The following CDKL2 variants were observed in gnomAD, a reference collection of about 807,000 sequenced individuals.
CDKL2 encodes the protein cyclin dependent kinase like 2.
A neutral mutation model predicts 63.9 loss-of-function variants in CDKL2; 64 were observed. The ratio of observed to expected loss-of-function variants is 1.00; its 90% CI spans 0.82 to 1.23. CDKL2 has a LOEUF of 1.23. CDKL2 is among the 50% of genes most tolerant of loss of function. The probability of loss-of-function intolerance (pLI) is 0.00; values close to 1 mark genes in which losing one functional copy is unlikely to be tolerated. For synonymous variants in CDKL2, 211 were observed against 229.2 expected (o/e 0.92, Z 0.72); for missense variants, 656 against 668.0 (o/e 0.98, Z 0.20).
intron 3 of CDKL2, 120 bp from the exon 4 acceptor site, chr4:75,607,481 G>T: frequency 1.4e-6 from 1 of 718,780 alleles, no homozygotes; most frequent in Non-Finnish European, 2.1e-6. Context: ...ATAGAAAGTT[G>T]CTCCTAGCCC....
chr4:75,600,327 C>A lies in CDKL2; in HGVS notation c.838G>T (p.Glu280Ter), dbSNP rs771405423. Reference protein sequence around the residue: ...IDPDKRPFCAELLHHDFFQMD... With the variant: ...IDPDKRPFCA ...TGAAAGAAATCATGGTGTAGGAGCT[C>A]AGCACAGAAGGGTCTTTTGTCGGGG... Residue 280 changes from glutamate (E) to a stop codon, truncating the protein, a stop_gained, in exon 7 of 14, where the codon GAG (glutamate) becomes TAG (stop). Coordinates refer to ENST00000307465, the MANE Select transcript of CDKL2 (RefSeq NM_001330724.2). LOFTEE classifies it high-confidence loss of function. The A allele has an allele frequency of 6.2e-7, 1 of 1,613,760 alleles. No homozygotes were observed. The highest frequency in any genetic ancestry group is 8.5e-7 in the Non-Finnish European group (1 of 1,179,788).
At chr4:75,614,959 A>ATATATATAGT (rs1344749553) in intron 2 of CDKL2, among the ~76,000 whole-genome samples, 40 of 106,702 alleles carry the variant, frequency 3.7e-4, no homozygotes, top group African/African-American at 9.6e-4. Context: ...ATATATATAC[A>ATATATATAGT]CTATATATAT....
intron 6 of CDKL2, among the ~76,000 whole-genome samples, chr4:75,601,002 T>C (rs563992595): frequency 6.6e-6 from 1 of 152,344 alleles, no homozygotes; most frequent in Non-Finnish European, 1.5e-5. Flanking sequence ...CTGCATTATG[T>C]AGAAAATTCT....
intron 5 of CDKL2, 31 bp downstream of exon 5, chr4:75,605,491 T>G: frequency 7.5e-7 from 1 of 1,328,822 alleles, no homozygotes; most frequent in Non-Finnish European, 1.1e-6. Flanking sequence ...GAAAAATCTC[T>G]AAAATTTAAA....
In CDKL2 at chr4:75,625,984, T is replaced by C. The variant is rs766323528; in HGVS notation, c.5A>G (p.Glu2Gly). 6.2e-7 allele frequency: 1 copy of C among 1,607,064 alleles called. No homozygotes were observed. Among genetic ancestry groups the C allele is most frequent in the Admixed American group, 1.7e-5 (1 of 58,542 alleles). The part of the protein sequence containing the change: M[E>G]KYENLGLVGE... Reference sequence around the variant, plus strand: ...AACCAAACCCAGGTTTTCATATTTTTCCATTTTAATTTAAAGTCCGTAGAA... The same window carrying C: ...AACCAAACCCAGGTTTTCATATTTTCCCATTTTAATTTAAAGTCCGTAGAA... The change falls in exon 2 of 14, where the codon GAA becomes GGA. Residue 2 changes from glutamate to glycine, a missense_variant. Coordinates refer to ENST00000307465, the MANE Select transcript of CDKL2 (RefSeq NM_001330724.2).
chr4:75,621,262 A>C (rs1730144005), intron 2 of CDKL2, among the ~76,000 whole-genome samples: 1 of 140,330 alleles, frequency 7.1e-6, no homozygotes, highest in Admixed American at 7.6e-5. Flanking sequence ...AAATGACATT[A>C]TTTGATAGAA....
Position 75,588,604 on chromosome 4 carries a change from T to C in CDKL2, c.1647+3215A>G, listed in dbSNP as rs138184902. Among the ~76,000 whole-genome samples the C allele has an allele frequency of 4.2e-3, 636 of 152,306 alleles. 15 individuals carry two copies. The East Asian group carries it at 0.051, about 12-fold the overall frequency. The stretch of plus-strand genomic sequence containing the variant: ...GGATTCACAATTAGAGGTATCTTTG[T>C]AGATTTCAGTAACCATAGGTAGAAA... On this transcript the variant is annotated intron_variant, in intron 12 of 13. Transcript: ENST00000307465.
At position 75,581,918 on chromosome 4, in the gene CDKL2, C is replaced by G. The variant is rs772021826; in HGVS notation, c.1648-20G>C. ...TGATACCTATAAATTAATAATAGAG[C>G]ATCATAGGTTCTCAGTAATTGCAAA... On this transcript the variant is annotated intron_variant, in intron 12 of 13. Coordinates refer to ENST00000307465, the MANE Select transcript of CDKL2 (RefSeq NM_001330724.2). The G allele has an allele frequency of 2.4e-5, 37 of 1,552,796 alleles. No individual in the cohort carries two copies. In the East Asian group the frequency reaches 8.3e-4, roughly 35 times the overall value.
chr4:75,622,903 A>G (rs906609170), intron 2 of CDKL2, among the ~76,000 whole-genome samples: 1 of 152,080 alleles, frequency 6.6e-6, no homozygotes, highest in African/African-American at 2.4e-5. Flanking sequence ...TTATATGGAA[A>G]TGCAAACAGA....
At chr4:75,616,192 G>A (rs1048416906) in intron 2 of CDKL2, among the ~76,000 whole-genome samples, 5 of 151,810 alleles carry the variant, frequency 3.3e-5, no homozygotes, top group African/African-American at 4.8e-5. Flanking sequence ...TAATCCCAGC[G>A]CTTTGGGAGG....
At chr4:75,580,980 G>A (rs1226179099) in intron 13 of CDKL2, among the ~76,000 whole-genome samples, 2 of 152,112 alleles carry the variant, frequency 1.3e-5, no homozygotes, top group East Asian at 1.9e-4. Flanking sequence ...GATTACAGGC[G>A]TGAGCCACCG....
intron 3 of CDKL2, 47 bp downstream of exon 3, chr4:75,614,208 A>C (rs1729826105): frequency 1.7e-6 from 2 of 1,205,204 alleles, no homozygotes; most frequent in Non-Finnish European, 2.4e-6. Flanking sequence ...TTAAAGGATT[A>C]ATGAATAAAT....
At chr4:75,600,057 T>C (rs977288552) in intron 7 of CDKL2, among the ~76,000 whole-genome samples, 1 of 152,122 alleles carries the variant, frequency 6.6e-6, no homozygotes, top group Non-Finnish European at 1.5e-5. Flanking sequence ...AAAGAAGACA[T>C]AAAATGACCG....
intron 10 of CDKL2, among the ~76,000 whole-genome samples, chr4:75,593,230 A>T (rs944119196): frequency 1.3e-5 from 2 of 152,056 alleles, no homozygotes; most frequent in African/African-American, 4.8e-5. Context: ...AAAATAGTTA[A>T]AGAAAACTAT....
chr4:75,629,085 G>GA (rs34053364), intron 1 of CDKL2, among the ~76,000 whole-genome samples: 61 of 150,070 alleles, frequency 4.1e-4, no homozygotes, highest in Non-Finnish European at 5.5e-4. Context: ...GTTTGTATTT[G>GA]AAAAAAAAAA....
In CDKL2 at chr4:75,581,913, T is replaced by C. The variant is rs373417621; in HGVS notation, c.1648-15A>G. ...GGTCCTGATACCTATAAATTAATAA[T>C]AGAGCATCATAGGTTCTCAGTAATT... On this transcript the variant is annotated splice_polypyrimidine_tract_variant and intron_variant, in intron 12 of 13. Coordinates refer to ENST00000307465, the MANE Select transcript of CDKL2 (RefSeq NM_001330724.2). The C allele has an allele frequency of 1.1e-5, 18 of 1,565,338 alleles. No individual in the cohort carries two copies. The highest frequency in any genetic ancestry group is 8.1e-5 in the African/African-American group (6 of 73,924).
chr4:75,614,965 T>C lies in CDKL2; in HGVS notation c.169-516A>G, dbSNP rs548531454. Among the ~76,000 whole-genome samples the C allele has an allele frequency of 3.3e-5, 5 of 149,270 alleles. No individual in the cohort carries two copies. The South Asian group carries it at 1.0e-3, about 31-fold the overall frequency. On this transcript the variant is annotated intron_variant, in intron 2 of 13. Transcript: ENST00000307465. ...TATTCATATATATATATACACTATATATATATGAAATAAGGCTCATAGACA... is the reference window on the plus strand; with the variant it reads ...TATTCATATATATATATACACTATACATATATGAAATAAGGCTCATAGACA...
intron 4 of CDKL2, among the ~76,000 whole-genome samples, chr4:75,606,034 C>T: frequency 6.6e-6 from 1 of 152,048 alleles, no homozygotes; most frequent in African/African-American, 2.4e-5. Context: ...ATACTTTATT[C>T]TGGAAATAAA....
intron 3 of CDKL2, among the ~76,000 whole-genome samples, chr4:75,612,133 G>A (rs918508541): frequency 6.6e-6 from 1 of 151,244 alleles, no homozygotes; most frequent in African/African-American, 2.4e-5. Flanking sequence ...ACCATGCCCG[G>A]CTAATTTTTT....
Sources: gnomAD v4.1 joint callset for allele counts (sites outside exome capture counted in the v4.1 genomes callset) on GRCh38, gnomAD v4.1.1 for gene constraint, MANE v1.5 for transcripts, NCBI Gene and HGNC (gene_info 2026-07-23, HGNC 2026-07-21) for gene names.